The following FAF1 variants were observed in gnomAD, a reference collection of about 807,000 sequenced individuals.
FAF1 encodes FAS-associated factor 1.
Under a neutral mutation model 92.5 loss-of-function variants are expected in FAF1, and 25 were observed. The ratio of observed to expected loss-of-function variants is 0.27; its 90% CI spans 0.20 to 0.38. The LOEUF is 0.38. FAF1 is among the 10% of genes least tolerant of loss of function. The pLI is 1.00. For missense variants in FAF1, 636 were observed against 793.3 expected (o/e 0.80, Z 2.38); for synonymous variants, 234 against 273.2 (o/e 0.86, Z 1.42).
chr1:50,568,059 A>G (rs1283574032), intron 12 of FAF1, among the ~76,000 whole-genome samples: 2 of 152,138 alleles, frequency 1.3e-5, no homozygotes, highest in Non-Finnish European at 2.9e-5. Context: ...AACAATGGCT[A>G]TAAGTAGCCA....
At chr1:50,818,104 CAA>C (rs915761008) in intron 2 of FAF1, among the ~76,000 whole-genome samples, 28 of 152,136 alleles carry the variant, frequency 1.8e-4, no homozygotes, top group African/African-American at 6.5e-4. Flanking sequence ...ACGTATCTGT[CAA>C]AACTTATCAA....
chr1:50,441,188 G>C lies in FAF1; in HGVS notation c.*252C>G. The C allele has an allele frequency of 2.5e-6, 1 of 392,982 alleles. No individual in the cohort carries two copies. Among genetic ancestry groups the C allele is most frequent in the Non-Finnish European group, 4.6e-6 (1 of 219,694 alleles). The allele number at this position is 392,982 out of a possible 1,614,324, so 24.3% of individuals were successfully genotyped here. A position where few individuals can be genotyped will look rare whatever the true frequency, so the allele number is the denominator to read the frequency against. ...AACAATGCATTCGTCATTGAAGGAG[G>C]GTGAAGTGCAGGGGGTAGGGGAGGG... On this transcript the variant is annotated 3_prime_UTR_variant, in exon 19 of 19. Transcript: ENST00000396153.
chr1:50,674,011 C>A (rs1656008787), intron 7 of FAF1, among the ~76,000 whole-genome samples: 1 of 151,654 alleles, frequency 6.6e-6, no homozygotes, highest in African/African-American at 2.4e-5. Context: ...AGTGCAGTGG[C>A]ATGATCTCGG....
intron 1 of FAF1, among the ~76,000 whole-genome samples, chr1:50,905,445 T>C (rs1183529510): frequency 6.6e-6 from 1 of 152,246 alleles, no homozygotes; most frequent in Non-Finnish European, 1.5e-5. Context: ...TTCTAGATCC[T>C]TGAGGAATCG....
chr1:50,616,952 A>G (rs1018624738), intron 8 of FAF1, among the ~76,000 whole-genome samples: 15 of 152,320 alleles, frequency 9.8e-5, no homozygotes, highest in African/African-American at 3.6e-4. Flanking sequence ...AAGTGCTAGG[A>G]TTACAGGCAT....
intron 15 of FAF1, among the ~76,000 whole-genome samples, chr1:50,527,312 C>G (rs1404934746): frequency 2.6e-5 from 4 of 152,020 alleles, no homozygotes; most frequent in South Asian, 4.2e-4. Flanking sequence ...CTTTTCGAAC[C>G]CTTTGCCAGT....
chr1:50,519,640 T>C (rs1409733317), intron 15 of FAF1, among the ~76,000 whole-genome samples: 4 of 152,216 alleles, frequency 2.6e-5, no homozygotes, highest in Admixed American at 2.6e-4. Context: ...GAGAAGTATG[T>C]ATGGCTATTG....
chr1:50,485,010 C>T (rs1222092058), intron 17 of FAF1, among the ~76,000 whole-genome samples: 6 of 150,748 alleles, frequency 4.0e-5, no homozygotes, highest in Non-Finnish European at 5.9e-5. Context: ...ATGTAAATGA[C>T]GAGTTAATGG....
At chr1:50,878,001 T>C (rs986874206) in intron 1 of FAF1, among the ~76,000 whole-genome samples, 3 of 152,180 alleles carry the variant, frequency 2.0e-5, no homozygotes, top group Non-Finnish European at 4.4e-5. Context: ...CCTACCACTA[T>C]CACTTGCCAA....
At chr1:50,760,379 C>T (rs934395501) in intron 4 of FAF1, among the ~76,000 whole-genome samples, 62 of 152,196 alleles carry the variant, frequency 4.1e-4, no homozygotes, top group Non-Finnish European at 6.9e-4. Context: ...ATCAACAGAA[C>T]ATACATTTTT....
At position 50,808,800 on chromosome 1, in the gene FAF1, G is replaced by A. The variant is rs1340929542; in HGVS notation, c.115-7123C>T. ...TTATTGTTTACCCAAAGTCAATCAG[G>A]AGCAGGTTAACTTCCATTAAATTGT... On this transcript the variant is annotated intron_variant, in intron 2 of 18. Transcript: ENST00000396153. Among the ~76,000 whole-genome samples the A allele has an allele frequency of 2.0e-5, 3 of 152,050 alleles. No individual in the cohort carries two copies. In the East Asian group the frequency reaches 5.8e-4, roughly 29 times the overall value.
At chr1:50,878,226 A>G (rs1474973864) in intron 1 of FAF1, among the ~76,000 whole-genome samples, 1 of 152,232 alleles carries the variant, frequency 6.6e-6, no homozygotes, top group Non-Finnish European at 1.5e-5. Flanking sequence ...ACTGACTTCA[A>G]CACTGTGCCC....
intron 2 of FAF1, among the ~76,000 whole-genome samples, chr1:50,824,739 A>T (rs1490074687): frequency 2.0e-5 from 3 of 152,200 alleles, no homozygotes; most frequent in Admixed American, 6.5e-5. Context: ...CATATGGTGC[A>T]TATACACAAT....
At chr1:50,858,268 T>A (rs1166116471) in intron 1 of FAF1, among the ~76,000 whole-genome samples, 2 of 151,814 alleles carry the variant, frequency 1.3e-5, no homozygotes. Flanking sequence ...CCCAGGATGA[T>A]CTCTAATTAC....
chr1:50,484,520 T>C (rs531790950), intron 17 of FAF1, among the ~76,000 whole-genome samples: 2 of 152,206 alleles, frequency 1.3e-5, no homozygotes, highest in East Asian at 3.9e-4. Flanking sequence ...ATTGTAAAAA[T>C]TCAATAAGAT....
intron 18 of FAF1, among the ~76,000 whole-genome samples, chr1:50,460,523 A>G (rs985620938): frequency 6.6e-6 from 1 of 152,158 alleles, no homozygotes; most frequent in Non-Finnish European, 1.5e-5. Context: ...TTAGCTATGA[A>G]TTCAATGTTA....
intron 1 of FAF1, among the ~76,000 whole-genome samples, chr1:50,904,150 A>C (rs1414515495): frequency 6.6e-6 from 1 of 152,224 alleles, no homozygotes; most frequent in Non-Finnish European, 1.5e-5. Context: ...GAATAAACAA[A>C]ATGTGGTCTG....
intron 2 of FAF1, among the ~76,000 whole-genome samples, chr1:50,814,191 T>C (rs1275039814): frequency 6.6e-6 from 1 of 152,176 alleles, no homozygotes; most frequent in African/African-American, 2.4e-5. Flanking sequence ...TCTATACTAA[T>C]ATGCATAGCT....
intron 8 of FAF1, among the ~76,000 whole-genome samples, chr1:50,651,035 G>A (rs1453415125): frequency 6.6e-6 from 1 of 152,176 alleles, no homozygotes; most frequent in Non-Finnish European, 1.5e-5. Context: ...CAACAATGTT[G>A]TAAATGAGTG....
Sources: allele counts gnomAD v4.1 joint callset (sites outside exome capture counted in the v4.1 genomes callset), GRCh38; gene constraint gnomAD v4.1.1; transcripts MANE v1.5; gene names NCBI Gene and HGNC (gene_info 2026-07-23, HGNC 2026-07-21).